The following RANBP9 variants were observed in gnomAD, a reference collection of about 807,000 sequenced individuals.
The protein encoded by RANBP9 is ran-binding protein 9.
RANBP9 carries 15 observed loss-of-function variants against 84.3 expected under a neutral mutation model. That is an observed-to-expected ratio of 0.18 (90% CI 0.12 to 0.27). RANBP9 has a LOEUF of 0.27. RANBP9 is among the 10% of genes least tolerant of loss of function. The pLI, the probability that RANBP9 is intolerant of heterozygous loss-of-function variation, is 1.00. For missense variants in RANBP9, 809 were observed against 912.8 expected, an observed-to-expected ratio of 0.89 and a Z score of 1.46; for synonymous variants, 392 against 349.6, an observed-to-expected ratio of 1.12 and a Z score of -1.35.
chr6:13,629,119 T>C (rs906687763), intron 12 of RANBP9, among the ~76,000 whole-genome samples: 2 of 97,122 alleles, frequency 2.1e-5, no homozygotes, highest in South Asian at 3.3e-4. Flanking sequence ...TTGAGCCTTT[T>C]TGTTTTTTTG....
rs142783320 is a variant in RANBP9 at position 13,673,058 on chromosome 6, A to G, written c.684-14226T>C. ...AAACCCCAAATCCAGAAAGCTCAGA[A>G]AACACTAAACAGGATAAACATCAAA... is the stretch of plus-strand genomic sequence containing the variant. On this transcript the variant is annotated intron_variant, in intron 2 of 13. Transcript: ENST00000011619. Among the ~76,000 whole-genome samples the G allele has an allele frequency of 3.8e-3, 577 of 152,294 alleles. 3 individuals carry two copies. Among genetic ancestry groups the G allele is most frequent in the African/African-American group, 0.014 (562 of 41,584 alleles).
intron 12 of RANBP9, among the ~76,000 whole-genome samples, 196 bp from the exon 13 acceptor site, chr6:13,625,960 AT>A (rs1764590997): frequency 6.6e-6 from 1 of 152,114 alleles, no homozygotes; most frequent in South Asian, 2.1e-4. Flanking sequence ...ATTTATTTTC[AT>A]TTTTCCTGTG....
intron 1 of RANBP9, among the ~76,000 whole-genome samples, chr6:13,702,660 G>A (rs1211045256): frequency 6.6e-6 from 1 of 151,792 alleles, no homozygotes; most frequent in East Asian, 1.9e-4. Context: ...CATCTTCTAT[G>A]CTGACATTAG....
At chr6:13,692,420 G>A (rs763366863) in intron 2 of RANBP9, among the ~76,000 whole-genome samples, 6 of 148,686 alleles carry the variant, frequency 4.0e-5, no homozygotes, top group African/African-American at 9.9e-5. Context: ...CCAGCTACTC[G>A]GAAGGCTGAG....
At chr6:13,635,052 T>C (rs936901926) in intron 10 of RANBP9, among the ~76,000 whole-genome samples, 14 of 152,202 alleles carry the variant, frequency 9.2e-5, no homozygotes, top group African/African-American at 2.9e-4. Flanking sequence ...TGTTTTTAAA[T>C]AGCATTCTGG....
chr6:13,706,245 G>A (rs1052805529), intron 1 of RANBP9, among the ~76,000 whole-genome samples: 33 of 152,198 alleles, frequency 2.2e-4, no homozygotes, highest in Non-Finnish European at 3.8e-4. Context: ...TTGGAAGGCT[G>A]AGGCAGGAAA....
Position 13,622,355 on chromosome 6 carries a change from T to C in RANBP9, c.*7A>G. 6.4e-7 allele frequency: 1 copy of C among 1,555,200 alleles called. No homozygotes were observed. Among genetic ancestry groups the C allele is most frequent in the Non-Finnish European group, 8.7e-7 (1 of 1,152,366 alleles). ...ACAATATAAGTGTGAGCTCTTGAAA[T>C]GCATAGCTAATGTAGGTAGTCTTCC... On this transcript the variant is annotated 3_prime_UTR_variant, in exon 14 of 14. Transcript: ENST00000011619.
At chr6:13,704,032 G>T (rs754075356) in intron 1 of RANBP9, among the ~76,000 whole-genome samples, 7 of 152,130 alleles carry the variant, frequency 4.6e-5, no homozygotes, top group Non-Finnish European at 1.0e-4. Context: ...CATTTTCTTT[G>T]ATTTCTCTCA....
At chr6:13,691,259 CTATT>C (rs1163517757) in intron 2 of RANBP9, among the ~76,000 whole-genome samples, 5 of 151,296 alleles carry the variant, frequency 3.3e-5, no homozygotes, top group African/African-American at 9.7e-5. Flanking sequence ...TATTTAAAGA[CTATT>C]TAGTCCTAAT....
intron 12 of RANBP9, among the ~76,000 whole-genome samples, chr6:13,626,804 C>A (rs1392145051): frequency 6.6e-6 from 1 of 152,194 alleles, no homozygotes; most frequent in Non-Finnish European, 1.5e-5. Flanking sequence ...CCAGATTCCA[C>A]ACCCATTTTC....
intron 1 of RANBP9, among the ~76,000 whole-genome samples, chr6:13,698,097 T>G (rs1757884402): frequency 6.6e-6 from 1 of 152,212 alleles, no homozygotes; most frequent in Non-Finnish European, 1.5e-5. Flanking sequence ...TTATTACTAT[T>G]AAACACTTAA....
At chr6:13,622,952 C>T (rs1379808687) in intron 13 of RANBP9, among the ~76,000 whole-genome samples, 1 of 152,182 alleles carries the variant, frequency 6.6e-6, no homozygotes, top group African/African-American at 2.4e-5. Context: ...GCCTAGCCAT[C>T]TCCAAGGCAT....
At chr6:13,657,073 T>A in intron 4 of RANBP9, 36 bp downstream of exon 4, 1 of 1,518,962 alleles carries the variant, frequency 6.6e-7, no homozygotes. Context: ...AATCTCCATA[T>A]TTGGTTATTT....
intron 9 of RANBP9, among the ~76,000 whole-genome samples, chr6:13,639,303 C>T (rs1325147601): frequency 1.3e-5 from 2 of 152,068 alleles, no homozygotes; most frequent in Non-Finnish European, 2.9e-5. Context: ...CTCAGCCTCC[C>T]GAGTAGCTGG....
chr6:13,648,200 A>G (rs1423378164), intron 5 of RANBP9, among the ~76,000 whole-genome samples: 1 of 134,882 alleles, frequency 7.4e-6, no homozygotes, highest in Non-Finnish European at 1.5e-5. Flanking sequence ...CCCAGGCTGA[A>G]GTGCAGTGGC....
chr6:13,656,272 CTTCCT>C (rs1367057482), intron 4 of RANBP9, among the ~76,000 whole-genome samples: 3 of 152,000 alleles, frequency 2.0e-5, no homozygotes, highest in Admixed American at 6.6e-5. Context: ...TCAGTTTATG[CTTCCT>C]TTCATTTTAC....
chr6:13,665,379 A>G (rs1042512237), intron 2 of RANBP9, among the ~76,000 whole-genome samples: 3 of 152,204 alleles, frequency 2.0e-5, no homozygotes, highest in African/African-American at 7.2e-5. Flanking sequence ...CAAGGAGTAC[A>G]TGAAAAAGTG....
At chr6:13,658,687 A>T in intron 3 of RANBP9, 93 bp downstream of exon 3, 1 of 1,013,468 alleles carries the variant, frequency 9.9e-7, no homozygotes, top group Non-Finnish European at 1.5e-6. Flanking sequence ...ACAGAAAATC[A>T]GTATCTTTAA....
chr6:13,665,925 G>C (rs1210801495), intron 2 of RANBP9, among the ~76,000 whole-genome samples: 1 of 152,040 alleles, frequency 6.6e-6, no homozygotes, highest in Non-Finnish European at 1.5e-5. Context: ...TCAATCTAAG[G>C]TAGTAAACAA....
Sources: allele counts gnomAD v4.1 joint callset (sites outside exome capture counted in the v4.1 genomes callset), GRCh38; gene constraint gnomAD v4.1.1; transcripts MANE v1.5; gene names NCBI Gene and HGNC (gene_info 2026-07-23, HGNC 2026-07-21).